Variants in CASZ1 observed in about 807,000 individuals in gnomAD.
The protein encoded by CASZ1 is castor zinc finger 1, also known as zinc finger protein castor homolog 1.
In CASZ1, 28 loss-of-function variants were observed where a neutral mutation model predicts 135.2. That is an observed-to-expected ratio of 0.21 (90% CI 0.15 to 0.28). The LOEUF (loss-of-function observed/expected upper bound fraction) is 0.28, where lower values mean the gene tolerates loss of function less well. Among genes scored for constraint, CASZ1 ranks in the 10% least tolerant of loss-of-function variants. The pLI, the probability that CASZ1 is intolerant of heterozygous loss-of-function variation, is 1.00. For synonymous variants in CASZ1, 1,068 were observed against 1,073.4 expected, an observed-to-expected ratio of 0.99 and a Z score of 0.10; for missense variants, 2,161 against 2,453.3, an observed-to-expected ratio of 0.88 and a Z score of 2.52.
At chr1:10,680,245 A>G (rs1262663453) in intron 4 of CASZ1, among the ~76,000 whole-genome samples, 2 of 114,028 alleles carry the variant, frequency 1.8e-5, no homozygotes, top group African/African-American at 3.3e-5. Context: ...ATGCTGCCGG[A>G]GGGCTCCGGC....
Position 10,693,914 on chromosome 1 carries a change from T to G in CASZ1, c.-23-2A>C. ...TTCTCTTCTCCTTGGTCCCAAACTC[T>G]TCGCAGAACGCCACCAGGGGAAGAC... On this transcript the variant is annotated splice_acceptor_variant, in intron 3 of 20. Transcript: ENST00000377022. LOFTEE classifies it low-confidence loss of function (5UTR_SPLICE). 1 of 1,612,566 alleles carries G rather than the reference T, an allele frequency of 6.2e-7. No individual in the cohort carries two copies. Among genetic ancestry groups the G allele is most frequent in the African/African-American group, 1.3e-5 (1 of 74,948 alleles).
Position 10,762,470 on chromosome 1 carries a change from G to A in CASZ1, c.-233-1613C>T, listed in dbSNP as rs1362278719. On this transcript the variant is annotated intron_variant, in intron 1 of 20. Transcript: ENST00000377022. The surrounding 1 kb of genome is among the most constrained non-coding windows in gnomAD (Gnocchi z 4.1). ...CTTTAATGGAAACTTCAGGGCCACT[G>A]GGAGACTCACTCCTCTGGGCTCTGA... 6.6e-6 allele frequency among the ~76,000 whole-genome samples: 1 copy of A among 152,096 alleles called. No individual in the cohort carries two copies. Among genetic ancestry groups the A allele is most frequent in the Non-Finnish European group, 1.5e-5 (1 of 68,010 alleles).
Position 10,666,654 on chromosome 1 carries a change from G to A in CASZ1, c.17-1083C>T, listed in dbSNP as rs890905772. Among the ~76,000 whole-genome samples, 8 of 152,162 alleles carry A rather than the reference G, an allele frequency of 5.3e-5. No individual in the cohort carries two copies. The highest frequency in any genetic ancestry group is 5.9e-5 in the Non-Finnish European group (4 of 68,034). ...GAAGCCCTCATGAGGCGACTTGAGA[G>A]CCAGCGACCTCCCTCGCGGCCGCAT... On this transcript the variant is annotated intron_variant, in intron 4 of 20. Coordinates refer to ENST00000377022, the MANE Select transcript of CASZ1 (RefSeq NM_001079843.3). The surrounding 1 kb of genome is among the most constrained non-coding windows in gnomAD (Gnocchi z 5.2).
Position 10,727,950 on chromosome 1 carries a change from C to T in CASZ1, c.-76-22406G>A, listed in dbSNP as rs565864638. Among the ~76,000 whole-genome samples the T allele has an allele frequency of 4.6e-5, 7 of 152,358 alleles. No individual in the cohort carries two copies. The highest frequency in any genetic ancestry group is 4.1e-4 in the South Asian group (2 of 4,828). On this transcript the variant is annotated intron_variant, in intron 2 of 20. Coordinates refer to ENST00000377022, the MANE Select transcript of CASZ1 (RefSeq NM_001079843.3). This position sits in a 1 kb window ranked among gnomAD's most constrained non-coding sequence, Gnocchi z 5.3. ...TGGAAGGTTGAACTAACCCCGGGCG[C>T]GATGCCACGTGCCCAGAAACTGGGC...
intron 2 of CASZ1, among the ~76,000 whole-genome samples, chr1:10,743,897 G>A (rs972925129): frequency 7.3e-5 from 11 of 151,304 alleles, no homozygotes; most frequent in South Asian, 2.1e-4. Flanking sequence ...AGCATGGGGC[G>A]GCGGGGGGAG....
At position 10,665,109 on chromosome 1, in the gene CASZ1, C is replaced by A; in HGVS notation, c.479G>T (p.Ser160Ile). 2.0e-6 allele frequency: 3 copies of A among 1,509,800 alleles called. No individual in the cohort carries two copies. Among genetic ancestry groups the A allele is most frequent in the Non-Finnish European group, 2.7e-6 (3 of 1,128,814 alleles). The allele number at this position is 1,509,800 out of a possible 1,614,324, so 93.5% of individuals were successfully genotyped here. ...DSDGAASKED[S>I]GPSTRQASGE... ...TGAAGCCTGCCTGGTGCTGGGGCCG[C>A]TGTCCTCCTTGGAGGCTGCCCCGTC... The change falls in exon 5 of 21, where the codon AGC becomes ATC. Residue 160 changes from serine to isoleucine, a missense_variant. Physicochemically the swap from Ser to Ile is moderately radical, Grantham distance 142. This residue lies in a region of CASZ1 where 590 missense variants were observed against 609.8 expected (regional missense o/e 0.97). Coordinates refer to ENST00000377022, the MANE Select transcript of CASZ1 (RefSeq NM_001079843.3).
chr1:10,686,256 A>G (rs1196634568), intron 4 of CASZ1, among the ~76,000 whole-genome samples: 1 of 152,240 alleles, frequency 6.6e-6, no homozygotes, highest in African/African-American at 2.4e-5. Context: ...TGGCCCTGTT[A>G]GCAGCACTCA....
rs751419571 is a variant in CASZ1 at position 10,660,122 on chromosome 1, G to C, written c.920C>G (p.Ala307Gly). Residue 307 changes from alanine to glycine, a missense_variant, in exon 6 of 21, where the codon GCC becomes GGC. Transcript: ENST00000377022. ...HSSVQMQNLV[A>G]RASKYDFFIQ... The stretch of plus-strand genomic sequence containing the variant: ...GAAGAAGTCGTACTTGGAGGCCCGG[G>C]CTACCAGGTTCTGCATCTGGACACT... The C allele has an allele frequency of 1.5e-5, 25 of 1,614,050 alleles. No individual in the cohort carries two copies. Among genetic ancestry groups the C allele is most frequent in the Non-Finnish European group, 1.7e-5 (20 of 1,180,022 alleles).
rs1018166113 is a variant in CASZ1, at chr1:10,720,602, G to A, written c.-76-15058C>T. Among the ~76,000 whole-genome samples, 7 of 152,198 alleles carry A rather than the reference G, an allele frequency of 4.6e-5. No homozygotes were observed. The highest frequency in any genetic ancestry group is 7.2e-5 in the African/African-American group (3 of 41,446). On this transcript the variant is annotated intron_variant, in intron 2 of 20. Coordinates refer to ENST00000377022, the MANE Select transcript of CASZ1 (RefSeq NM_001079843.3). The surrounding 1 kb of genome is among the most constrained non-coding windows in gnomAD (Gnocchi z 5.7). ...ACTGTACATTCGCTCGGCTTTCCACGGGACTCATGTCCTAATATGGGCCCA... is the reference window on the plus strand; with the variant it reads ...ACTGTACATTCGCTCGGCTTTCCACAGGACTCATGTCCTAATATGGGCCCA...
At position 10,757,996 on chromosome 1, in the gene CASZ1, C is replaced by A. The variant is rs2100569856; in HGVS notation, c.-77+2705G>T. 6.6e-6 allele frequency among the ~76,000 whole-genome samples: 1 copy of A among 152,308 alleles called. No homozygotes were observed. Among genetic ancestry groups the A allele is most frequent in the East Asian group, 1.9e-4 (1 of 5,180 alleles). ...CAGTCACTGGATGCACTGAGGGCATCCTACCTTAGGGCCATTAGGCTAGCT... is the reference window on the plus strand; with the variant it reads ...CAGTCACTGGATGCACTGAGGGCATACTACCTTAGGGCCATTAGGCTAGCT... On this transcript the variant is annotated intron_variant, in intron 2 of 20. Coordinates refer to ENST00000377022, the MANE Select transcript of CASZ1 (RefSeq NM_001079843.3). The surrounding 1 kb of genome is among the most constrained non-coding windows in gnomAD (Gnocchi z 4.6).
At chr1:10,670,832 C>T (rs1001269101) in intron 4 of CASZ1, among the ~76,000 whole-genome samples, 2 of 152,182 alleles carry the variant, frequency 1.3e-5, no homozygotes, top group East Asian at 1.9e-4. Flanking sequence ...CAGCTGTGAC[C>T]CCTCCCCCAC....
intron 3 of CASZ1, among the ~76,000 whole-genome samples, chr1:10,702,962 CAGAGAGAGAGAG>C (rs142859359): frequency 7.0e-6 from 1 of 142,802 alleles, no homozygotes; most frequent in Non-Finnish European, 1.5e-5. Flanking sequence ...GAGGGAGAGG[CAGAGAGAGAGAG>C]AGAGAGAGAG....
intron 13 of CASZ1, chr1:10,650,470 T>C (rs1642531318): frequency 2.2e-6 from 1 of 458,738 alleles, no homozygotes; most frequent in Non-Finnish European, 3.8e-6. Context: ...GAAAAAAAGG[T>C]GTCAGAGGCT....
chr1:10,639,226 C>CGGCGGCGGCGCCCTCGCGCGGCCCGGG lies in CASZ1; in HGVS notation c.4969_4995dup (p.Pro1657_Ala1665dup), dbSNP rs986913564. 3 of 920,850 alleles carry CGGCGGCGGCGCCCTCGCGCGGCCCGGG rather than the reference C, an allele frequency of 3.3e-6. No homozygotes were observed. Among genetic ancestry groups the CGGCGGCGGCGCCCTCGCGCGGCCCGGG allele is most frequent in the East Asian group, 2.3e-4 (2 of 8,760 alleles). 57.0% of individuals were successfully genotyped at this position (920,850 alleles called of 1,614,324 possible). ...GAGGACTCCCCAGCTGCGGCGGCGG[C>CGGCGGCGGCGCCCTCGCGCGGCCCGGG]GGCGGCGGCGCCCTCGCGCGGCCCG... On this transcript the variant is annotated inframe_insertion, in exon 21 of 21. Transcript: ENST00000377022. This position sits in a 1 kb window ranked among gnomAD's most constrained non-coding sequence, Gnocchi z 4.0.
Position 10,659,755 on chromosome 1 carries a change from C to T in CASZ1, c.1287G>A (p.Lys429=), listed in dbSNP as rs371271451. 1.2e-6 allele frequency: 2 copies of T among 1,613,902 alleles called. No individual in the cohort carries two copies. Among genetic ancestry groups the T allele is most frequent in the African/African-American group, 2.7e-5 (2 of 74,900 alleles). The change falls in exon 6 of 21, where the codon AAG becomes AAA. Residue 429 remains lysine (K), a synonymous_variant. Coordinates refer to ENST00000377022, the MANE Select transcript of CASZ1 (RefSeq NM_001079843.3). ...TGGAGTCTGTTTTGGAGAAGGTTGA[C>T]TTCAGGTACTCGGGAGTGTTGAAGG... The part of the protein sequence containing the change: ...SLSFNTPEYL[K]STFSKTDSIT...
At chr1:10,648,908 G>T in intron 15 of CASZ1, 162 bp downstream of exon 15, 1 of 945,408 alleles carries the variant, frequency 1.1e-6, no homozygotes, top group Non-Finnish European at 1.6e-6. Flanking sequence ...CATGTGTGAA[G>T]GAGGATGGGA....
chr1:10,663,135 G>A (rs1643104645), intron 5 of CASZ1, among the ~76,000 whole-genome samples: 1 of 152,218 alleles, frequency 6.6e-6, no homozygotes, highest in African/African-American at 2.4e-5. Context: ...CACTTGGGGC[G>A]GCAGGACCCC....
At position 10,639,823 on chromosome 1, in the gene CASZ1, TGTAGCCGCAG is replaced by T; in HGVS notation, c.4389_4398del (p.Asn1463LysfsTer77). The T allele has an allele frequency of 6.2e-7, 1 of 1,610,592 alleles. No homozygotes were observed. Among genetic ancestry groups the T allele is most frequent in the Non-Finnish European group, 8.5e-7 (1 of 1,178,916 alleles). On this transcript the variant is annotated frameshift_variant, in exon 21 of 21. Coordinates refer to ENST00000377022, the MANE Select transcript of CASZ1 (RefSeq NM_001079843.3). LOFTEE classifies it high-confidence loss of function. This position sits in a 1 kb window ranked among gnomAD's most constrained non-coding sequence, Gnocchi z 4.0. Reference sequence around the variant, plus strand: ...TACATGTGCGTGCGCCCGCAGAACTTGTAGCCGCAGTTCTCGCGCGTGCAGTGGTAGTGGG... The same window carrying T: ...TACATGTGCGTGCGCCCGCAGAACTTTTCTCGCGCGTGCAGTGGTAGTGGG...
At chr1:10,746,220 G>T (rs974811196) in intron 2 of CASZ1, among the ~76,000 whole-genome samples, 7 of 152,222 alleles carry the variant, frequency 4.6e-5, no homozygotes, top group South Asian at 4.1e-4. Flanking sequence ...ATTTGGAAGA[G>T]CGGGGAGGGA....
Sources: allele counts gnomAD v4.1 joint callset (sites outside exome capture counted in the v4.1 genomes callset), GRCh38; gene constraint gnomAD v4.1.1; regional missense constraint gnomAD v4.1.1; non-coding constraint Gnocchi (gnomAD v3.1); transcripts MANE v1.5; gene names NCBI Gene and HGNC (gene_info 2026-07-23, HGNC 2026-07-21).